Variants in SLC8A1 observed in about 807,000 individuals in gnomAD.
The protein encoded by SLC8A1 is solute carrier family 8 member A1.
A neutral mutation model predicts 68.3 loss-of-function variants in SLC8A1; 18 were observed. The ratio of observed to expected loss-of-function variants is 0.26; its 90% CI spans 0.18 to 0.39. SLC8A1 has a LOEUF of 0.39. Ranked by LOEUF, SLC8A1 falls within the 10% of genes least tolerant of loss-of-function variation. SLC8A1 has a pLI of 1.00. For synonymous variants in SLC8A1, 475 were observed against 415.5 expected (o/e 1.14, Z -1.74); for missense variants, 985 against 1,156.7 (o/e 0.85, Z 2.15).
At chr2:40,211,086 G>C (rs931307146) in intron 2 of SLC8A1, among the ~76,000 whole-genome samples, 5 of 152,192 alleles carry the variant, frequency 3.3e-5, no homozygotes, top group African/African-American at 1.2e-4. Flanking sequence ...GTCAAGTTCA[G>C]TGATAAAATG....
intron 2 of SLC8A1, among the ~76,000 whole-genome samples, chr2:40,284,830 C>T (rs1463012103): frequency 1.3e-5 from 2 of 151,926 alleles, no homozygotes; most frequent in Non-Finnish European, 2.9e-5. Context: ...TGCAATTGAG[C>T]AGTAGAGGAT....
At position 40,309,367 on chromosome 2, in the gene SLC8A1, C is replaced by T. The variant is rs151019585; in HGVS notation, c.1808+119106G>A. Among the ~76,000 whole-genome samples, 260 of 152,150 alleles carry T rather than the reference C, an allele frequency of 1.7e-3. 1 individual carries two copies. Among genetic ancestry groups the T allele is most frequent in the Admixed American group, 4.1e-3 (63 of 15,278 alleles). On this transcript the variant is annotated intron_variant, in intron 2 of 7. Transcript: ENST00000406785. ...AAAGAGTGCTTCAGGCTTTGGAAGG[C>T]GCACAGATAAAAAGGATACGTGTTT...
intron 1 of SLC8A1, among the ~76,000 whole-genome samples, chr2:40,433,386 A>G (rs71439297): frequency 0.052 from 7,914 of 152,274 alleles, 375 homozygotes; most frequent in East Asian, 0.26. Flanking sequence ...GCAAGTTTCA[A>G]AAGAGCTGAA....
At chr2:40,116,559 G>A (rs955174484) in intron 7 of SLC8A1, among the ~76,000 whole-genome samples, 3 of 151,942 alleles carry the variant, frequency 2.0e-5, no homozygotes, top group Admixed American at 6.6e-5. Flanking sequence ...GAGAATATGC[G>A]GTGTTTGGTT....
intron 2 of SLC8A1, among the ~76,000 whole-genome samples, chr2:40,374,913 A>G (rs572348432): frequency 1.2e-4 from 18 of 152,250 alleles, no homozygotes; most frequent in African/African-American, 4.1e-4. Flanking sequence ...AATATCCACT[A>G]AAAAGGAGCC....
intron 2 of SLC8A1, among the ~76,000 whole-genome samples, chr2:40,386,735 G>T (rs1683682240): frequency 6.6e-6 from 1 of 150,806 alleles, no homozygotes; most frequent in African/African-American, 2.5e-5. Flanking sequence ...CAGAACCCAT[G>T]ATGGATGAGC....
chr2:40,374,489 G>C (rs1311067858), intron 2 of SLC8A1, among the ~76,000 whole-genome samples: 1 of 151,940 alleles, frequency 6.6e-6, no homozygotes, highest in Non-Finnish European at 1.5e-5. Flanking sequence ...TATGTATTTG[G>C]AATTATAAAC....
chr2:40,421,323 A>G (rs1695449455), intron 2 of SLC8A1, among the ~76,000 whole-genome samples: 1 of 152,006 alleles, frequency 6.6e-6, no homozygotes, highest in African/African-American at 2.4e-5. Context: ...GCTGAAAGGC[A>G]CAAAGCTGGT....
chr2:40,411,951 AC>A (rs1176597101), intron 2 of SLC8A1, among the ~76,000 whole-genome samples: 1 of 152,140 alleles, frequency 6.6e-6, no homozygotes, highest in African/African-American at 2.4e-5. Context: ...CATAGTTCTA[AC>A]CTTTTTGTAC....
At chr2:40,200,222 T>TATATATATAAATATATATATA (rs1558722368) in intron 2 of SLC8A1, among the ~76,000 whole-genome samples, 1 of 5,174 alleles carries the variant, frequency 1.9e-4, no homozygotes, top group African/African-American at 4.7e-4. Flanking sequence ...ATATATATTT[T>TATATATATAAATATATATATA]TTTATATATA....
At chr2:40,167,842 T>A (rs2046804186) in intron 4 of SLC8A1, among the ~76,000 whole-genome samples, 1 of 152,172 alleles carries the variant, frequency 6.6e-6, no homozygotes, top group Non-Finnish European at 1.5e-5. Flanking sequence ...TCATAGACTG[T>A]TTTTAAATTT....
chr2:40,174,493 A>G (rs1299726136), intron 4 of SLC8A1, among the ~76,000 whole-genome samples: 1 of 152,156 alleles, frequency 6.6e-6, no homozygotes. Context: ...GGTCAGTGTC[A>G]AAATATGAAC....
intron 2 of SLC8A1, among the ~76,000 whole-genome samples, chr2:40,346,775 A>C (rs1332963847): frequency 6.6e-6 from 1 of 152,122 alleles, no homozygotes; most frequent in Non-Finnish European, 1.5e-5. Context: ...GAATAAACTA[A>C]AGGAAAGGGA....
chr2:40,461,234 A>T (rs1397663666), intron 1 of SLC8A1, among the ~76,000 whole-genome samples: 1 of 152,176 alleles, frequency 6.6e-6, no homozygotes, highest in South Asian at 2.1e-4. Flanking sequence ...CAAGGTGCGG[A>T]TGGAGGGTGC....
intron 2 of SLC8A1, among the ~76,000 whole-genome samples, chr2:40,303,201 C>T (rs1023110315): frequency 1.3e-5 from 2 of 152,134 alleles, no homozygotes; most frequent in African/African-American, 2.4e-5. Context: ...AAACCTTGAG[C>T]CATTCTAGGT....
intron 1 of SLC8A1, among the ~76,000 whole-genome samples, chr2:40,475,692 A>T (rs1049100448): frequency 9.9e-5 from 15 of 152,104 alleles, no homozygotes; most frequent in African/African-American, 3.6e-4. Flanking sequence ...ACATAAATAC[A>T]TATTTTTTAC....
intron 2 of SLC8A1, among the ~76,000 whole-genome samples, chr2:40,265,878 A>G (rs1460069751): frequency 6.6e-6 from 1 of 152,188 alleles, no homozygotes; most frequent in Non-Finnish European, 1.5e-5. Context: ...ATCTACTAGC[A>G]GCCAAGGATA....
chr2:40,142,422 T>TTTATTTA (rs2041749427), intron 6 of SLC8A1, among the ~76,000 whole-genome samples: 2 of 152,180 alleles, frequency 1.3e-5, no homozygotes, highest in Non-Finnish European at 2.9e-5. Context: ...GTTATATTTA[T>TTTATTTA]TTTGGATCCT....
intron 1 of SLC8A1, among the ~76,000 whole-genome samples, chr2:40,502,510 G>A (rs1183848173): frequency 6.6e-6 from 1 of 151,978 alleles, no homozygotes; most frequent in Non-Finnish European, 1.5e-5. Flanking sequence ...AATATTTATT[G>A]AGTAATTACT....
Sources: allele counts gnomAD v4.1 joint callset (sites outside exome capture counted in the v4.1 genomes callset), GRCh38; gene constraint gnomAD v4.1.1; transcripts MANE v1.5; gene names NCBI Gene and HGNC (gene_info 2026-07-23, HGNC 2026-07-21).